Variants in RECK observed in about 807,000 individuals in gnomAD.
RECK encodes the protein reversion inducing cysteine rich protein with kazal motifs, also known as reversion-inducing cysteine-rich protein with Kazal motifs.
RECK carries 69 observed loss-of-function variants against 115.1 expected under a neutral mutation model. That is an observed-to-expected ratio of 0.60 (90% CI 0.49 to 0.73). RECK has a LOEUF of 0.73. Ranked by LOEUF, RECK falls within the 30% of genes least tolerant of loss-of-function variation. The pLI is 0.00. For synonymous variants in RECK, 414 were observed against 419.7 expected (o/e 0.99, Z 0.17); for missense variants, 1,047 against 1,203.7 (o/e 0.87, Z 1.93).
intron 17 of RECK, among the ~76,000 whole-genome samples, chr9:36,118,050 C>T (rs1824328134): frequency 6.6e-6 from 1 of 152,182 alleles, no homozygotes; most frequent in African/African-American, 2.4e-5. Flanking sequence ...TATGCTTGCC[C>T]CTCTCCCTGG....
intron 2 of RECK, among the ~76,000 whole-genome samples, chr9:36,055,677 C>T (rs777676762): frequency 2.0e-5 from 3 of 152,218 alleles, no homozygotes; most frequent in Non-Finnish European, 4.4e-5. Flanking sequence ...TACCCTTAGC[C>T]ACCAGGATAT....
intron 6 of RECK, among the ~76,000 whole-genome samples, chr9:36,075,937 G>A (rs903955690): frequency 3.3e-5 from 5 of 152,126 alleles, no homozygotes; most frequent in Admixed American, 3.3e-4. Context: ...TCAGTGTTTT[G>A]TTGTCATCAT....
chr9:36,066,999 T>C (rs975873947), intron 6 of RECK: 19 of 411,444 alleles, frequency 4.6e-5, no homozygotes, highest in African/African-American at 3.6e-4. Flanking sequence ...AGGATCCTTT[T>C]GTTTTTATAT....
chr9:36,117,266 GA>G, intron 17 of RECK, 89 bp downstream of exon 17: 7 of 1,061,168 alleles, frequency 6.6e-6, no homozygotes, highest in South Asian at 1.7e-5. Flanking sequence ...AAGACCAGCC[GA>G]GGGTCTTCTG....
intron 13 of RECK, among the ~76,000 whole-genome samples, chr9:36,107,543 T>C (rs1237933638): frequency 6.7e-6 from 1 of 148,586 alleles, no homozygotes; most frequent in Non-Finnish European, 1.5e-5. Flanking sequence ...AGGCAGAAGT[T>C]GCACTGAGCC....
At chr9:36,051,705 ACT>A (rs1178489459) in intron 1 of RECK, among the ~76,000 whole-genome samples, 1 of 151,282 alleles carries the variant, frequency 6.6e-6, no homozygotes, top group Non-Finnish European at 1.5e-5. Flanking sequence ...CTCACTAGAA[ACT>A]CTCCCTAGAC....
rs1295442541 is a variant in RECK, at chr9:36,110,951, G to A, written c.1888+872G>A. On this transcript the variant is annotated intron_variant, in intron 15 of 20. Coordinates refer to ENST00000377966, the MANE Select transcript of RECK (RefSeq NM_021111.3). ...TAGAGGTAGGACGAACACTACCCCA[G>A]CCTTCACTGCTTTATTATCATCATC... Among the ~76,000 whole-genome samples, 5 of 152,090 alleles carry A rather than the reference G, an allele frequency of 3.3e-5. No homozygotes were observed. The East Asian group carries it at 9.6e-4, about 29-fold the overall frequency.
chr9:36,117,261 CAG>C, intron 17 of RECK, 84 bp downstream of exon 17: 3 of 1,093,480 alleles, frequency 2.7e-6, no homozygotes, highest in Non-Finnish European at 3.9e-6. Flanking sequence ...ACAGTAAGAC[CAG>C]CCGAGGGTCT....
chr9:36,063,967 A>G (rs974326017), intron 5 of RECK, 87 bp downstream of exon 5: 6 of 1,268,368 alleles, frequency 4.7e-6, no homozygotes, highest in African/African-American at 4.4e-5. Context: ...CCCACCTCCT[A>G]GCTTTGCAGA....
rs112938194 is a variant in RECK at position 36,108,163 on chromosome 9, A to T, written c.1764A>T (p.Lys588Asn). Residue 588 changes from lysine (K) to asparagine (N), a missense_variant and splice_region_variant, in exon 14 of 21, where the codon AAA (lysine) becomes AAT (asparagine). Lys to Asn is a moderately conservative substitution (Grantham distance 94, BLOSUM62 0). Transcript: ENST00000377966. ...QKSCIVGGKR[K>N]SHGTSFSIDC... The stretch of plus-strand genomic sequence containing the variant: ...CTTGTATTGTTGGAGGAAAAAGAAA[A>T]AGTGAGTCTTAAGCTCTGATTTTGT... The T allele has an allele frequency of 9.5e-4, 1,501 of 1,581,686 alleles. 4 individuals carry two copies. The highest frequency in any genetic ancestry group is 1.2e-3 in the Non-Finnish European group (1,370 of 1,169,038).
At chr9:36,053,003 C>A (rs1821369223) in intron 2 of RECK, among the ~76,000 whole-genome samples, 1 of 152,102 alleles carries the variant, frequency 6.6e-6, no homozygotes, top group Non-Finnish European at 1.5e-5. Context: ...GAGATACATA[C>A]TAGGATTTAG....
intron 6 of RECK, among the ~76,000 whole-genome samples, chr9:36,078,095 G>A (rs903415128): frequency 1.3e-5 from 2 of 152,128 alleles, no homozygotes; most frequent in African/African-American, 4.8e-5. Context: ...TAACTGAATG[G>A]GCATGTCTGT....
chr9:36,098,766 G>T (rs1266709112), intron 10 of RECK, among the ~76,000 whole-genome samples: 1 of 152,128 alleles, frequency 6.6e-6, no homozygotes, highest in South Asian at 2.1e-4. Flanking sequence ...GATAGCAATG[G>T]ATGAATCTTA....
At position 36,100,469 on chromosome 9, in the gene RECK, G is replaced by C. The variant is rs1477693951; in HGVS notation, c.1224G>C (p.Glu408Asp). The C allele has an allele frequency of 1.2e-6, 2 of 1,614,112 alleles. No individual in the cohort carries two copies. Among genetic ancestry groups the C allele is most frequent in the Non-Finnish European group, 1.7e-6 (2 of 1,179,980 alleles). Residue 408 changes from glutamate to aspartate, a missense_variant, in exon 11 of 21, where the codon GAG becomes GAC. Coordinates refer to ENST00000377966, the MANE Select transcript of RECK (RefSeq NM_021111.3). The part of the protein sequence containing the change: ...PVLDIKKCQP[E>D]MWKAIACSLQ... ...TTGATATTAAAAAGTGCCAGCCAGAGATGTGGAAAGCAATAGCTTGTTCAC... is the reference window on the plus strand; with the variant it reads ...TTGATATTAAAAAGTGCCAGCCAGACATGTGGAAAGCAATAGCTTGTTCAC...
intron 8 of RECK, 118 bp from the exon 9 acceptor site, chr9:36,087,576 C>T: frequency 2.0e-6 from 2 of 976,664 alleles, no homozygotes; most frequent in East Asian, 2.6e-5. Flanking sequence ...ACCACCATGG[C>T]ATGTGTATAC....
rs751134459 is a variant in RECK, at chr9:36,063,881, G to A, written c.357+1G>A. 6 of 1,613,626 alleles carry A rather than the reference G, an allele frequency of 3.7e-6. No homozygotes were observed. The highest frequency in any genetic ancestry group is 5.1e-6 in the Non-Finnish European group (6 of 1,179,638). On this transcript the variant is annotated splice_donor_variant, in intron 5 of 20. Transcript: ENST00000377966. LOFTEE classifies it high-confidence loss of function. ...GGAGTGTCGACAGGCATGCAAGCAG[G>A]TAACACTGGGTAGTCAGGCTCTCAA...
chr9:36,083,312 A>G (rs1209646060), intron 7 of RECK, 53 bp from the exon 8 acceptor site: 4 of 1,525,980 alleles, frequency 2.6e-6, no homozygotes, highest in Admixed American at 1.8e-5. Context: ...TGATGATTTA[A>G]TGTTAACAAA....
chr9:36,112,250 T>C, intron 15 of RECK, 55 bp from the exon 16 acceptor site: 5 of 1,554,060 alleles, frequency 3.2e-6, no homozygotes, highest in Non-Finnish European at 4.4e-6. Flanking sequence ...CAAGGAAATA[T>C]AAGGGGAGGG....
At chr9:36,063,774 T>A (rs957933275) in intron 4 of RECK, 21 bp from the exon 5 acceptor site, 1 of 1,611,588 alleles carries the variant, frequency 6.2e-7, no homozygotes, top group Non-Finnish European at 8.5e-7. Flanking sequence ...GACCAAAACA[T>A]TTAAACATTT....
Sources: gnomAD v4.1 joint callset for allele counts (sites outside exome capture counted in the v4.1 genomes callset) on GRCh38, gnomAD v4.1.1 for gene constraint, MANE v1.5 for transcripts, NCBI Gene and HGNC (gene_info 2026-07-23, HGNC 2026-07-21) for gene names.